RGS7BP: variants seen among roughly 807,000 people sequenced by gnomAD.
RGS7BP encodes regulator of G protein signaling 7 binding protein.
RGS7BP carries 9 observed loss-of-function variants against 31.3 expected under a neutral mutation model. The ratio of observed to expected loss-of-function variants is 0.29; its 90% CI spans 0.17 to 0.50. The LOEUF (loss-of-function observed/expected upper bound fraction) is 0.50, where lower values mean the gene tolerates loss of function less well. RGS7BP is among the 20% of genes least tolerant of loss of function. The probability of loss-of-function intolerance (pLI) is 0.98; values close to 1 mark genes in which losing one functional copy is unlikely to be tolerated. For synonymous variants in RGS7BP, 115 were observed against 120.1 expected, an observed-to-expected ratio of 0.96 and a Z score of 0.28; for missense variants, 274 against 322.0, an observed-to-expected ratio of 0.85 and a Z score of 1.14.
rs151067651 is a variant in RGS7BP, at chr5:64,593,938, G to A, written c.464-772G>A. Reference sequence around the variant, plus strand: ...TTAAGAGATTGTGCCTAGGCCATACGACATAACCTCCCACTTAATTTCATA... The same window carrying A: ...TTAAGAGATTGTGCCTAGGCCATACAACATAACCTCCCACTTAATTTCATA... On this transcript the variant is annotated intron_variant, in intron 3 of 5. Transcript: ENST00000334025. Among the ~76,000 whole-genome samples the A allele has an allele frequency of 9.7e-4, 148 of 152,254 alleles. 1 individual carries two copies. The highest frequency in any genetic ancestry group is 3.3e-3 in the African/African-American group (136 of 41,558).
chr5:64,577,426 T>G (rs1742465325), intron 3 of RGS7BP, among the ~76,000 whole-genome samples: 1 of 151,836 alleles, frequency 6.6e-6, no homozygotes, highest in Non-Finnish European at 1.5e-5. Flanking sequence ...TGGGTGACAG[T>G]GAGACTCCAT....
At chr5:64,589,271 G>A (rs980156484) in intron 3 of RGS7BP, among the ~76,000 whole-genome samples, 1 of 151,898 alleles carries the variant, frequency 6.6e-6, no homozygotes, top group Non-Finnish European at 1.5e-5. Flanking sequence ...ACTCCAGACT[G>A]GGCAACAGAG....
intron 3 of RGS7BP, among the ~76,000 whole-genome samples, chr5:64,591,469 T>C (rs552264958): frequency 6.6e-6 from 1 of 152,306 alleles, no homozygotes; most frequent in African/African-American, 2.4e-5. Flanking sequence ...TTAATGTTGA[T>C]AATATGAAGT....
At position 64,506,594 on chromosome 5, in the gene RGS7BP, C is replaced by G. The variant is rs749218368; in HGVS notation, c.-31C>G. 6.4e-7 allele frequency: 1 copy of G among 1,566,376 alleles called. No homozygotes were observed. The highest frequency in any genetic ancestry group is 1.4e-5 in the African/African-American group (1 of 73,782). On this transcript the variant is annotated 5_prime_UTR_variant, in exon 1 of 6. Coordinates refer to ENST00000334025, the MANE Select transcript of RGS7BP (RefSeq NM_001029875.3). This position sits in a 1 kb window ranked among gnomAD's most constrained non-coding sequence, Gnocchi z 4.6. ...GCCGCCCGCGCCGGGGCGCACTGCA[C>G]CAGCGGCTTCGGCTTGGTGGATGTG...
rs1741551120 is a variant in RGS7BP, at chr5:64,542,491, T to C, written c.333-33283T>C. The stretch of plus-strand genomic sequence containing the variant: ...CCCATAAATCCATAAACTACCACTT[T>C]ATTTATAATATGTAGTCTAGACAGA... On this transcript the variant is annotated intron_variant, in intron 2 of 5. Transcript: ENST00000334025. Among the ~76,000 whole-genome samples, 3 of 152,204 alleles carry C rather than the reference T, an allele frequency of 2.0e-5. No individual in the cohort carries two copies. The South Asian group carries it at 6.2e-4, about 32-fold the overall frequency.
chr5:64,557,264 T>G (rs1741950147), intron 2 of RGS7BP, among the ~76,000 whole-genome samples: 1 of 152,170 alleles, frequency 6.6e-6, no homozygotes, highest in Admixed American at 6.5e-5. Flanking sequence ...AGAAATGTAG[T>G]TATGCTCCCC....
intron 5 of RGS7BP, among the ~76,000 whole-genome samples, chr5:64,598,962 T>C (rs575685006): frequency 2.0e-5 from 3 of 152,196 alleles, no homozygotes; most frequent in Non-Finnish European, 4.4e-5. Flanking sequence ...TCACACAGAC[T>C]GTAAGTAGAA....
chr5:64,609,453 C>A lies in RGS7BP; in HGVS notation c.*201C>A. The A allele has an allele frequency of 1.8e-6, 1 of 547,212 alleles. No homozygotes were observed. Among genetic ancestry groups the A allele is most frequent in the Non-Finnish European group, 3.3e-6 (1 of 303,848 alleles). The allele number at this position is 547,212 out of a possible 1,614,324, so 33.9% of individuals were successfully genotyped here. A position where few individuals can be genotyped will look rare whatever the true frequency, so the allele number is the denominator to read the frequency against. On this transcript the variant is annotated 3_prime_UTR_variant, in exon 6 of 6. Transcript: ENST00000334025. Reference sequence around the variant, plus strand: ...CCGTCAAGAAAAAAAAGAACAGATTCAAAAACCAGGCTGTTTTTAAAAGGG... The same window carrying A: ...CCGTCAAGAAAAAAAAGAACAGATTAAAAAACCAGGCTGTTTTTAAAAGGG...
chr5:64,510,855 C>T (rs2111872598), intron 2 of RGS7BP, among the ~76,000 whole-genome samples: 1 of 152,314 alleles, frequency 6.6e-6, no homozygotes, highest in Non-Finnish European at 1.5e-5. Context: ...CCATGCATTC[C>T]TCAAGACACC....
At chr5:64,588,452 C>T (rs1426753339) in intron 3 of RGS7BP, among the ~76,000 whole-genome samples, 1 of 152,150 alleles carries the variant, frequency 6.6e-6, no homozygotes, top group African/African-American at 2.4e-5. Context: ...AATCCCTAAG[C>T]TCAGGGTTCT....
intron 2 of RGS7BP, among the ~76,000 whole-genome samples, chr5:64,543,961 A>G (rs950444784): frequency 6.6e-6 from 1 of 152,246 alleles, no homozygotes; most frequent in Non-Finnish European, 1.5e-5. Flanking sequence ...AGCATTTTTT[A>G]AAAACTTTTC....
chr5:64,537,616 C>T (rs993416195), intron 2 of RGS7BP, among the ~76,000 whole-genome samples: 1 of 152,104 alleles, frequency 6.6e-6, no homozygotes, highest in Non-Finnish European at 1.5e-5. Flanking sequence ...GAGAAAGAGC[C>T]TAGGAATGTG....
rs201842874 is a variant in RGS7BP at position 64,554,896 on chromosome 5, AT to A, written c.333-20877del. Among the ~76,000 whole-genome samples the A allele has an allele frequency of 1.2e-3, 182 of 152,216 alleles. 2 individuals carry two copies. The East Asian group carries it at 0.019, about 15-fold the overall frequency. ...ATAAATTCTAAAAATGAATATATATATACAAAATATATGATTATTAAAATTA... is the reference window on the plus strand; with the variant it reads ...ATAAATTCTAAAAATGAATATATATAACAAAATATATGATTATTAAAATTA... On this transcript the variant is annotated intron_variant, in intron 2 of 5. Coordinates refer to ENST00000334025, the MANE Select transcript of RGS7BP (RefSeq NM_001029875.3).
chr5:64,591,939 T>C (rs1342164266), intron 3 of RGS7BP, among the ~76,000 whole-genome samples: 1 of 152,184 alleles, frequency 6.6e-6, no homozygotes, highest in African/African-American at 2.4e-5. Flanking sequence ...AGATTACCTA[T>C]GAAGTTTGGA....
intron 5 of RGS7BP, among the ~76,000 whole-genome samples, chr5:64,606,017 G>T (rs1347996821): frequency 7.6e-6 from 1 of 131,174 alleles, no homozygotes; most frequent in Non-Finnish European, 1.6e-5. Flanking sequence ...TGTATATCTG[G>T]ATACATATAT....
intron 2 of RGS7BP, among the ~76,000 whole-genome samples, chr5:64,537,972 A>G (rs1254046206): frequency 6.6e-6 from 1 of 152,236 alleles, no homozygotes. Flanking sequence ...AACCCTAGAC[A>G]GAACTAATGT....
intron 4 of RGS7BP, among the ~76,000 whole-genome samples, chr5:64,595,514 A>G (rs1338883393): frequency 6.6e-6 from 1 of 152,130 alleles, no homozygotes; most frequent in Non-Finnish European, 1.5e-5. Flanking sequence ...CAGTGATTTT[A>G]TTTTATTTAG....
At chr5:64,562,107 C>T (rs1742069655) in intron 2 of RGS7BP, among the ~76,000 whole-genome samples, 1 of 152,104 alleles carries the variant, frequency 6.6e-6, no homozygotes, top group Admixed American at 6.6e-5. Flanking sequence ...GGAGACTTTA[C>T]AATAGGTTAT....
intron 5 of RGS7BP, among the ~76,000 whole-genome samples, chr5:64,603,249 A>C (rs1743267562): frequency 6.6e-6 from 1 of 152,216 alleles, no homozygotes; most frequent in Admixed American, 6.5e-5. Context: ...AAGCAGAATC[A>C]AGGAAGAAAC....
Sources: gnomAD v4.1 joint callset for allele counts (sites outside exome capture counted in the v4.1 genomes callset) on GRCh38, gnomAD v4.1.1 for gene constraint, Gnocchi (gnomAD v3.1) non-coding constraint, MANE v1.5 for transcripts, NCBI Gene and HGNC (gene_info 2026-07-23, HGNC 2026-07-21) for gene names.